Variants in TTLL12 observed in about 807,000 individuals in gnomAD.
The protein encoded by TTLL12 is tubulin--tyrosine ligase-like protein 12.
In TTLL12, 77 loss-of-function variants were observed where a neutral mutation model predicts 79.6. The ratio of observed to expected loss-of-function variants is 0.97; its 90% CI spans 0.81 to 1.17. TTLL12 has a LOEUF of 1.17. Ranked by LOEUF, TTLL12 falls within the 50% of genes most tolerant of loss-of-function variation. TTLL12 has a pLI of 0.00. For synonymous variants in TTLL12, 437 were observed against 376.1 expected, an observed-to-expected ratio of 1.16 and a Z score of -1.87; for missense variants, 969 against 895.9, an observed-to-expected ratio of 1.08 and a Z score of -1.04.
intron 6 of TTLL12, among the ~76,000 whole-genome samples, chr22:43,175,839 ATTTTTTT>A (rs753447234): frequency 2.3e-5 from 3 of 128,380 alleles, no homozygotes; most frequent in South Asian, 2.5e-4. Flanking sequence ...TGCCCTACTA[ATTTTTTT>A]TTTTTTTTTT....
intron 13 of TTLL12, 50 bp downstream of exon 13, chr22:43,168,724 C>A: frequency 1.3e-6 from 2 of 1,542,332 alleles, no homozygotes; most frequent in South Asian, 2.4e-5. Flanking sequence ...GGCTGGCTGG[C>A]GGAGGGGGCG....
Position 43,183,087 on chromosome 22 carries a change from GTCC to G in TTLL12, c.237_239del (p.Glu79del), listed in dbSNP as rs1932100067. The G allele has an allele frequency of 1.2e-6, 2 of 1,613,936 alleles. No individual in the cohort carries two copies. Among genetic ancestry groups the G allele is most frequent in the Non-Finnish European group, 1.7e-6 (2 of 1,179,990 alleles). On this transcript the variant is annotated inframe_deletion, in exon 2 of 14. Coordinates refer to ENST00000216129, the MANE Select transcript of TTLL12 (RefSeq NM_015140.4). ...GCTTCCGCACCTCCCGGGCTGCCTC[GTCC>G]TCCTCCTCTTCTACCTCCTCCACTT...
chr22:43,184,999 G>C (rs1055568324), intron 1 of TTLL12, among the ~76,000 whole-genome samples: 2 of 152,048 alleles, frequency 1.3e-5, no homozygotes, highest in African/African-American at 4.8e-5. Context: ...GGAGGCCAAA[G>C]CGGGCGGATC....
At chr22:43,180,617 G>A in intron 3 of TTLL12, 125 bp downstream of exon 3, 1 of 1,128,174 alleles carries the variant, frequency 8.9e-7, no homozygotes, top group Non-Finnish European at 1.3e-6. Context: ...CTCTCCTTAG[G>A]AAGCCACAGG....
chr22:43,173,646 C>T (rs1931821221), intron 9 of TTLL12, 69 bp downstream of exon 9: 1 of 1,465,748 alleles, frequency 6.8e-7, no homozygotes, highest in African/African-American at 1.4e-5. Flanking sequence ...ATGCTCGGTC[C>T]CCTTAGCCCC....
chr22:43,183,234 T>C, intron 1 of TTLL12, 85 bp from the exon 2 acceptor site: 1 of 1,541,164 alleles, frequency 6.5e-7, no homozygotes, highest in Non-Finnish European at 8.8e-7. Context: ...CCACCCGAGG[T>C]GCCACACCCA....
At chr22:43,176,950 ACAT>A (rs938082581) in intron 5 of TTLL12, among the ~76,000 whole-genome samples, 2 of 151,660 alleles carry the variant, frequency 1.3e-5, no homozygotes, top group African/African-American at 4.8e-5. Flanking sequence ...ACATTGTTGC[ACAT>A]CTTCTCGGTG....
At chr22:43,171,521 C>A (rs1931763930) in intron 11 of TTLL12, 2 of 291,966 alleles carry the variant, frequency 6.9e-6, no homozygotes, top group Admixed American at 8.8e-5. Context: ...GAGGAGTAAG[C>A]CCCGGCTGGG....
At position 43,168,273 on chromosome 22, in the gene TTLL12, C is replaced by T. The variant is rs987759699; in HGVS notation, c.1784-114G>A. 9 of 1,440,180 alleles carry T rather than the reference C, an allele frequency of 6.2e-6. 1 individual carries two copies. Among genetic ancestry groups the T allele is most frequent in the South Asian group, 2.7e-5 (2 of 73,112 alleles). 89.2% of individuals were successfully genotyped at this position (1,440,180 alleles called of 1,614,324 possible). A position where few individuals can be genotyped will look rare whatever the true frequency, so the allele number is the denominator to read the frequency against. Reference sequence around the variant, plus strand: ...GGCCATGAACCTGGGCCCTGATTCCCAGGGGATGAGCAGGACAAGGCCGGG... The same window carrying T: ...GGCCATGAACCTGGGCCCTGATTCCTAGGGGATGAGCAGGACAAGGCCGGG... On this transcript the variant is annotated intron_variant, in intron 13 of 13. Transcript: ENST00000216129.
intron 2 of TTLL12, 88 bp from the exon 3 acceptor site, chr22:43,181,028 G>A: frequency 2.1e-6 from 3 of 1,420,612 alleles, no homozygotes; most frequent in Non-Finnish European, 2.9e-6. Context: ...GCTGTGTTGG[G>A]ACCAGGGCCC....
At position 43,167,276 on chromosome 22, in the gene TTLL12, C is replaced by T; in HGVS notation, c.*732G>A. 1 of 499,166 alleles carries T rather than the reference C, an allele frequency of 2.0e-6. No homozygotes were observed. Among genetic ancestry groups the T allele is most frequent in the Middle Eastern group, 3.3e-4 (1 of 3,042 alleles). The allele number at this position is 499,166 out of a possible 1,614,324, so 30.9% of individuals were successfully genotyped here. A position where few individuals can be genotyped will look rare whatever the true frequency, so the allele number is the denominator to read the frequency against. ...GTGGAGTGCCCGGCGAGCAGGGCAA[C>T]CACTGGGAAGACAGATACTGATTTC... On this transcript the variant is annotated 3_prime_UTR_variant, in exon 14 of 14. Coordinates refer to ENST00000216129, the MANE Select transcript of TTLL12 (RefSeq NM_015140.4).
intron 5 of TTLL12, among the ~76,000 whole-genome samples, chr22:43,176,598 C>CAG (rs1931919900): frequency 6.6e-6 from 1 of 151,826 alleles, no homozygotes; most frequent in Non-Finnish European, 1.5e-5. Flanking sequence ...GGCATGGTGG[C>CAG]GCGTGCCTGT....
chr22:43,182,920 C>G (rs1932093691), intron 2 of TTLL12, 60 bp downstream of exon 2: 7 of 1,577,278 alleles, frequency 4.4e-6, no homozygotes, highest in Non-Finnish European at 6.0e-6. Flanking sequence ...ATCTGCATTA[C>G]TGCATCTCCC....
chr22:43,181,282 C>T (rs1932050096), intron 2 of TTLL12, among the ~76,000 whole-genome samples: 4 of 152,236 alleles, frequency 2.6e-5, no homozygotes, highest in Admixed American at 2.0e-4. Flanking sequence ...TTGTAATAAA[C>T]ACACCAGCAG....
chr22:43,183,750 C>T (rs1932115725), intron 1 of TTLL12, among the ~76,000 whole-genome samples: 1 of 152,234 alleles, frequency 6.6e-6, no homozygotes, highest in Non-Finnish European at 1.5e-5. Flanking sequence ...GTCAAGCAGG[C>T]AAGTGACCTC....
Position 43,168,151 on chromosome 22 carries a change from C to G in TTLL12, c.1792G>C (p.Val598Leu). ...KWDNGPDGRRVMQPQILEVNF... is the reference protein window; with the variant it reads ...KWDNGPDGRRLMQPQILEVNF... ...ACCTCCAGGATCTGCGGCTGCATCA[C>G]CCGCCTTCCTGATGGCAAAGAGCGC... is the stretch of plus-strand genomic sequence containing the variant. The change falls in exon 14 of 14, where the codon GTG (valine) becomes CTG (leucine). Residue 598 changes from valine (V) to leucine (L), a missense_variant. Physicochemically the swap from Val to Leu is conservative, Grantham distance 32. Transcript: ENST00000216129. The G allele has an allele frequency of 6.2e-7, 1 of 1,614,030 alleles. No homozygotes were observed. The highest frequency in any genetic ancestry group is 8.5e-7 in the Non-Finnish European group (1 of 1,179,930).
chr22:43,173,919 C>T lies in TTLL12; in HGVS notation c.1230-93G>A, dbSNP rs970219314. 5.7e-6 allele frequency: 7 copies of T among 1,221,204 alleles called. No individual in the cohort carries two copies. In the Middle Eastern group the frequency reaches 8.4e-4, roughly 146 times the overall value. 75.6% of individuals were successfully genotyped at this position (1,221,204 alleles called of 1,614,324 possible). ...CCCAGAGGCAGAAGAGGGCAGCCCA[C>T]TTCTCCTTGGGAGCTGAGGGGGCAC... On this transcript the variant is annotated intron_variant, in intron 8 of 13. Coordinates refer to ENST00000216129, the MANE Select transcript of TTLL12 (RefSeq NM_015140.4).
intron 11 of TTLL12, 37 bp downstream of exon 11, chr22:43,171,782 C>T: frequency 6.3e-7 from 1 of 1,594,304 alleles, no homozygotes; most frequent in South Asian, 1.1e-5. Flanking sequence ...GCCCTGGCCT[C>T]TGTGTGAACC....
Position 43,187,081 on chromosome 22 carries a change from C to A in TTLL12, c.-12G>T, listed in dbSNP as rs1472069716. ...CGCTCGGCCTCCATGGCGCCAGCAC[C>A]CGCGCCGACTCCAGCGCCGCCACCG... is the stretch of plus-strand genomic sequence containing the variant. On this transcript the variant is annotated 5_prime_UTR_variant, in exon 1 of 14. Coordinates refer to ENST00000216129, the MANE Select transcript of TTLL12 (RefSeq NM_015140.4). 115 of 1,147,760 alleles carry A rather than the reference C, an allele frequency of 1.0e-4. No individual in the cohort carries two copies. Among genetic ancestry groups the A allele is most frequent in the Admixed American group, 9.9e-5 (2 of 20,234 alleles). 71.1% of individuals were successfully genotyped at this position (1,147,760 alleles called of 1,614,324 possible). A position where few individuals can be genotyped will look rare whatever the true frequency, so the allele number is the denominator to read the frequency against.
Sources: allele counts gnomAD v4.1 joint callset (sites outside exome capture counted in the v4.1 genomes callset), GRCh38; gene constraint gnomAD v4.1.1; transcripts MANE v1.5; gene names NCBI Gene and HGNC (gene_info 2026-07-23, HGNC 2026-07-21).